LIMCH1: variants seen among roughly 807,000 people sequenced by gnomAD.
The protein encoded by LIMCH1 is LIM and calponin homology domains 1.
In LIMCH1, 113 loss-of-function variants were observed where a neutral mutation model predicts 176.5. The observed-to-expected ratio is 0.64, with a 90% CI of 0.55 to 0.75. The LOEUF (loss-of-function observed/expected upper bound fraction) is 0.75. Ranked by LOEUF, LIMCH1 falls within the 30% of genes least tolerant of loss-of-function variation. LIMCH1 has a pLI of 0.00. For synonymous variants in LIMCH1, 619 were observed against 645.9 expected, an observed-to-expected ratio of 0.96 and a Z score of 0.63; for missense variants, 1,674 against 1,814.9, an observed-to-expected ratio of 0.92 and a Z score of 1.41.
chr4:41,620,830 C>A (rs527366189), intron 7 of LIMCH1, 140 bp downstream of exon 7: 5 of 982,700 alleles, frequency 5.1e-6, no homozygotes, highest in Admixed American at 2.9e-5. Flanking sequence ...GCTCTGAGCA[C>A]GTAGATGATA....
At chr4:41,629,178 C>T (rs2093165866) in intron 8 of LIMCH1, among the ~76,000 whole-genome samples, 1 of 152,158 alleles carries the variant, frequency 6.6e-6, no homozygotes, top group Non-Finnish European at 1.5e-5. Context: ...AATTGGGCAT[C>T]ATTACCATCC....
chr4:41,644,032 CTTTCT>C (rs2093944548), intron 14 of LIMCH1, among the ~76,000 whole-genome samples: 1 of 152,180 alleles, frequency 6.6e-6, no homozygotes, highest in South Asian at 2.1e-4. Context: ...TTTAAGCCAG[CTTTCT>C]ACACAAAGAA....
Position 41,361,116 on chromosome 4 carries a change from G to A in LIMCH1, c.96+180G>A, listed in dbSNP as rs2051952470. On this transcript the variant is annotated intron_variant, in intron 1 of 26. Coordinates refer to the LIMCH1 transcript ENST00000313860. ...GCGAAACCTTAGCGCTTTGGCATTG[G>A]AATCCCGGGCGAGGGTGGGCGTGAA... is the stretch of plus-strand genomic sequence containing the variant. Among the ~76,000 whole-genome samples, 6 of 152,306 alleles carry A rather than the reference G, an allele frequency of 3.9e-5. No individual in the cohort carries two copies. The South Asian group carries it at 1.2e-3, about 32-fold the overall frequency.
At chr4:41,695,597 G>C (rs1730026191) in intron 31 of LIMCH1, among the ~76,000 whole-genome samples, 1 of 151,844 alleles carries the variant, frequency 6.6e-6, no homozygotes, top group South Asian at 2.1e-4. Context: ...AATTATTGTA[G>C]CTTCATAATA....
chr4:41,688,813 G>A (rs1722996522), intron 29 of LIMCH1: 1 of 152,502 alleles, frequency 6.6e-6, no homozygotes, highest in Non-Finnish European at 1.5e-5. Context: ...GGGGTACAGA[G>A]AGGAGGTAGA....
At chr4:41,521,771 T>C (rs1290273122) in intron 2 of LIMCH1, among the ~76,000 whole-genome samples, 3 of 152,114 alleles carry the variant, frequency 2.0e-5, no homozygotes, top group Non-Finnish European at 4.4e-5. Flanking sequence ...GTGAGAGAAA[T>C]CATAGTTTCT....
chr4:41,418,213 C>T (rs1017222790), intron 1 of LIMCH1, among the ~76,000 whole-genome samples: 1 of 152,164 alleles, frequency 6.6e-6, no homozygotes, highest in Non-Finnish European at 1.5e-5. Flanking sequence ...AAGACTACAG[C>T]TTTCCAGCCA....
chr4:41,687,867 T>C lies in LIMCH1; in HGVS notation c.4116T>C (p.Ala1372=). 6.2e-7 allele frequency: 1 copy of C among 1,613,646 alleles called. No individual in the cohort carries two copies. The highest frequency in any genetic ancestry group is 8.5e-7 in the Non-Finnish European group (1 of 1,179,686). Residue 1372 remains alanine (A), a synonymous_variant, in exon 29 of 32, where the codon GCT becomes GCC. Transcript: ENST00000503057. ...AAAGTCCCCGAGAGCACTTCCAGGC[T>C]GGGCCTTTCTCTCCCTGTTCTCCCA... ...RKKSPREHFQ[A]GPFSPCSPTP...
At chr4:41,443,845 G>C (rs779358184) in intron 1 of LIMCH1, among the ~76,000 whole-genome samples, 1 of 152,202 alleles carries the variant, frequency 6.6e-6, no homozygotes, top group Non-Finnish European at 1.5e-5. Flanking sequence ...CTCAGGGCTA[G>C]AGAACTATTC....
intron 1 of LIMCH1, among the ~76,000 whole-genome samples, chr4:41,546,358 C>T (rs574490822): frequency 6.6e-6 from 1 of 152,028 alleles, no homozygotes; most frequent in East Asian, 1.9e-4. Flanking sequence ...AGGCTGGTCT[C>T]GAATTCCTGA....
chr4:41,546,542 A>C (rs927793091), intron 1 of LIMCH1, among the ~76,000 whole-genome samples: 3 of 151,600 alleles, frequency 2.0e-5, no homozygotes, highest in African/African-American at 7.3e-5. Context: ...TTTTTTCTCA[A>C]CTTTCTTCTT....
chr4:41,539,685 T>C (rs946671757), intron 1 of LIMCH1, among the ~76,000 whole-genome samples: 3 of 152,250 alleles, frequency 2.0e-5, no homozygotes, highest in South Asian at 2.1e-4. Flanking sequence ...TACATAGTCC[T>C]AGCTGGTTCT....
At chr4:41,598,785 T>A (rs2089399748) in intron 1 of LIMCH1, 135 bp from the exon 2 acceptor site, 1 of 459,758 alleles carries the variant, frequency 2.2e-6, no homozygotes, top group Admixed American at 3.7e-5. Flanking sequence ...CAAAGTATGA[T>A]TTGTTATGCA....
chr4:41,586,513 A>G (rs1256203485), intron 1 of LIMCH1, among the ~76,000 whole-genome samples: 4 of 152,158 alleles, frequency 2.6e-5, no homozygotes, highest in South Asian at 2.1e-4. Flanking sequence ...CATATTTTAC[A>G]TGTCAAATAT....
At chr4:41,528,348 T>G (rs1329868219) in intron 3 of LIMCH1, among the ~76,000 whole-genome samples, 1 of 152,144 alleles carries the variant, frequency 6.6e-6, no homozygotes, top group African/African-American at 2.4e-5. Flanking sequence ...TTTGAAATTT[T>G]TCAATATAAA....
At chr4:41,465,561 G>C (rs574165752) in intron 1 of LIMCH1, among the ~76,000 whole-genome samples, 1 of 152,134 alleles carries the variant, frequency 6.6e-6, no homozygotes, top group Non-Finnish European at 1.5e-5. Flanking sequence ...AAAGAAGTTC[G>C]TATGCAGCAC....
chr4:41,523,681 T>C (rs547781806), intron 2 of LIMCH1, among the ~76,000 whole-genome samples: 1 of 152,246 alleles, frequency 6.6e-6, no homozygotes, highest in Non-Finnish European at 1.5e-5. Flanking sequence ...GTTGCTTTCC[T>C]TGTTTCTCTT....
At chr4:41,375,966 A>T (rs1183756901) in intron 1 of LIMCH1, among the ~76,000 whole-genome samples, 2 of 152,210 alleles carry the variant, frequency 1.3e-5, no homozygotes, top group African/African-American at 4.8e-5. Context: ...CTTGGATTTG[A>T]CAAAATAGTT....
At chr4:41,472,514 G>A (rs1159138086) in intron 1 of LIMCH1, among the ~76,000 whole-genome samples, 4 of 151,892 alleles carry the variant, frequency 2.6e-5, no homozygotes, top group Non-Finnish European at 5.9e-5. Context: ...TTGCCTCTTG[G>A]GCCCAAGTGA....
Sources: allele counts gnomAD v4.1 joint callset (sites outside exome capture counted in the v4.1 genomes callset), GRCh38; gene constraint gnomAD v4.1.1; transcripts MANE v1.5; gene names NCBI Gene and HGNC (gene_info 2026-07-23, HGNC 2026-07-21).